Variants in ZNF723 observed in about 807,000 individuals in gnomAD.
The protein encoded by ZNF723 is zinc finger protein 723, also known as zinc finger protein 723, pseudogene.
Under a neutral mutation model 9.4 loss-of-function variants are expected in ZNF723, and 5 were observed. The observed-to-expected ratio is 0.53, with a 90% confidence interval of 0.28 to 1.12. ZNF723 has a LOEUF of 1.12. ZNF723 is among the 50% of genes most tolerant of loss of function. The pLI is 0.10. For missense variants in ZNF723, 450 were observed against 501.5 expected, an observed-to-expected ratio of 0.90 and a Z score of 0.98; for synonymous variants, 158 against 168.8, an observed-to-expected ratio of 0.94 and a Z score of 0.49.
intron 1 of ZNF723, among the ~76,000 whole-genome samples, chr19:22,844,391 C>A (rs1053984996): frequency 1.1e-4 from 16 of 152,094 alleles, no homozygotes; most frequent in Non-Finnish European, 1.8e-4. Context: ...CTTTAAAAAA[C>A]CAAGAACAGA....
chr19:22,820,831 C>A, the ZNF723 span, among the ~76,000 whole-genome samples: 1 of 152,146 alleles, frequency 6.6e-6, no homozygotes, highest in Non-Finnish European at 1.5e-5. Context: ...ATGAACAGAG[C>A]CCACTTTTGA....
the ZNF723 span, among the ~76,000 whole-genome samples, chr19:22,820,051 C>T: frequency 1.3e-5 from 2 of 152,172 alleles, no homozygotes; most frequent in African/African-American, 4.8e-5. Context: ...TATCACTGGA[C>T]CAAGCACCCA....
At chr19:22,851,118 CTA>C (rs1433553256) in intron 3 of ZNF723, among the ~76,000 whole-genome samples, 1 of 152,022 alleles carries the variant, frequency 6.6e-6, no homozygotes, top group Admixed American at 6.6e-5. Context: ...TAATAGAATT[CTA>C]TATGTGTCTC....
At chr19:22,857,064 A>G (rs1437614804) in intron 3 of ZNF723, 54 bp from the exon 4 acceptor site, 1 of 661,522 alleles carries the variant, frequency 1.5e-6, no homozygotes. Flanking sequence ...TTTGTAAAGT[A>G]TATCCATCTG....
chr19:22,827,433 T>TG (rs906055185), upstream of ZNF723, among the ~76,000 whole-genome samples: 2 of 99,370 alleles, frequency 2.0e-5, no homozygotes, highest in African/African-American at 1.1e-4. Context: ...CTATTTTTTT[T>TG]TTTTGTTTTT....
At chr19:22,842,002 TTTGTTGTTG>T (rs59309724) in intron 1 of ZNF723, among the ~76,000 whole-genome samples, 2 of 151,818 alleles carry the variant, frequency 1.3e-5, no homozygotes, top group African/African-American at 2.4e-5. Context: ...TGAACTATGT[TTTGTTGTTG>T]TTGTTGTTGT....
chr19:22,848,317 C>G lies in ZNF723; in HGVS notation c.60C>G (p.Phe20Leu). ...AATTTTCTCTGGAGGAGTGGCAATTCCTGGACACTGCACAGCAGAATTTAT... is the reference window on the plus strand; with the variant it reads ...AATTTTCTCTGGAGGAGTGGCAATTGCTGGACACTGCACAGCAGAATTTAT... ...AIKFSLEEWQ[F>L]LDTAQQNLYR... Residue 20 changes from phenylalanine (F) to leucine (L), a missense_variant, in exon 2 of 4, where the codon TTC becomes TTG. By Grantham distance (22) the Phe-to-Leu change is conservative (BLOSUM62 0). Transcript: ENST00000600766. 1.4e-6 allele frequency: 2 copies of G among 1,405,298 alleles called. No individual in the cohort carries two copies. The highest frequency in any genetic ancestry group is 2.0e-6 in the Non-Finnish European group (2 of 1,006,136). The allele number at this position is 1,405,298 out of a possible 1,614,324, so 87.1% of individuals were successfully genotyped here.
the ZNF723 span, among the ~76,000 whole-genome samples, chr19:22,825,137 G>A: frequency 2.6e-5 from 4 of 152,118 alleles, no homozygotes; most frequent in African/African-American, 4.8e-5. Flanking sequence ...ACACTAAGAG[G>A]CAATCGAAAG....
chr19:22,845,251 A>G (rs1387186127), intron 1 of ZNF723, among the ~76,000 whole-genome samples: 1 of 152,208 alleles, frequency 6.6e-6, no homozygotes, highest in Non-Finnish European at 1.5e-5. Flanking sequence ...AAGTGGTTAT[A>G]AACCCAGGGT....
In ZNF723 at chr19:22,858,046, T is replaced by C; in HGVS notation, c.1155T>C (p.Thr385=). The C allele has an allele frequency of 2.0e-6, 3 of 1,524,468 alleles. No individual in the cohort carries two copies. Among genetic ancestry groups the C allele is most frequent in the Non-Finnish European group, 2.7e-6 (3 of 1,099,732 alleles). 94.4% of individuals were successfully genotyped at this position (1,524,468 alleles called of 1,614,324 possible). A position where few individuals can be genotyped will look rare whatever the true frequency, so the allele number is the denominator to read the frequency against. The change falls in exon 4 of 4, where the codon ACT becomes ACC. Residue 385 remains threonine, a synonymous_variant. Coordinates refer to ENST00000600766, the MANE Select transcript of ZNF723 (RefSeq NM_001349726.2). ...GKAFKVSVHL[T]THKRIHTGEK... is the part of the protein sequence containing the mutation. ...CTTTTAAAGTATCTGTACACCTTAC[T>C]ACACATAAGAGAATTCATACTGGAG... is the stretch of plus-strand genomic sequence containing the variant.
At position 22,857,835 on chromosome 19, in the gene ZNF723, G is replaced by C; in HGVS notation, c.944G>C (p.Cys315Ser). 7.1e-7 allele frequency: 1 copy of C among 1,399,308 alleles called. No homozygotes were observed. Among genetic ancestry groups the C allele is most frequent in the East Asian group, 2.3e-5 (1 of 43,806 alleles). The allele number at this position is 1,399,308 out of a possible 1,614,324, so 86.7% of individuals were successfully genotyped here. ...CATACTGGAGAGAAACCCTACAAAT[G>C]TGAAGAATGTGGCAAAGCCTTTAAC... is the stretch of plus-strand genomic sequence containing the variant. ...RIHTGEKPYK[C>S]EECGKAFNQP... is the part of the protein sequence containing the mutation. The change falls in exon 4 of 4, where the codon TGT becomes TCT. Residue 315 changes from cysteine to serine, a missense_variant. Around this residue, in one of 5 missense-constraint regions of ZNF723, gnomAD observed 237 missense variants for 332.2 expected, o/e 0.71. Coordinates refer to ENST00000600766, the MANE Select transcript of ZNF723 (RefSeq NM_001349726.2).
chr19:22,851,351 T>C (rs1967392016), intron 3 of ZNF723, among the ~76,000 whole-genome samples: 1 of 152,028 alleles, frequency 6.6e-6, no homozygotes, highest in Non-Finnish European at 1.5e-5. Context: ...TTTCTATTTT[T>C]AGTAGAGACG....
chr19:22,848,277 C>A lies in ZNF723; in HGVS notation c.20C>A (p.Thr7Lys). ...TTTTTTCAGGGACCATTGACATTCACAGATGTGGCAATAAAATTTTCTCTG... is the reference window on the plus strand; with the variant it reads ...TTTTTTCAGGGACCATTGACATTCAAAGATGTGGCAATAAAATTTTCTCTG... MGPLTF[T>K]DVAIKFSLEE... Residue 7 changes from threonine (T) to lysine (K), a missense_variant, in exon 2 of 4, where the codon ACA becomes AAA. Physicochemically the swap from Thr to Lys is moderately conservative, Grantham distance 78. Transcript: ENST00000600766. 1 of 1,173,622 alleles carries A rather than the reference C, an allele frequency of 8.5e-7. No individual in the cohort carries two copies. Among genetic ancestry groups the A allele is most frequent in the Non-Finnish European group, 1.2e-6 (1 of 800,978 alleles). The allele number at this position is 1,173,622 out of a possible 1,614,324, so 72.7% of individuals were successfully genotyped here. A position where few individuals can be genotyped will look rare whatever the true frequency, so the allele number is the denominator to read the frequency against.
At chr19:22,813,035 A>G in the ZNF723 span, among the ~76,000 whole-genome samples, 1 of 152,020 alleles carries the variant, frequency 6.6e-6, no homozygotes, top group Non-Finnish European at 1.5e-5. Flanking sequence ...GTACGGTGTC[A>G]TGATCTTGGC....
At chr19:22,837,017 G>A (rs1406743462) in intron 1 of ZNF723, among the ~76,000 whole-genome samples, 2 of 152,086 alleles carry the variant, frequency 1.3e-5, no homozygotes, top group Non-Finnish European at 2.9e-5. Context: ...GATGGGGATG[G>A]CACGATTACT....
upstream of ZNF723, among the ~76,000 whole-genome samples, chr19:22,831,475 T>C (rs1366928979): frequency 6.6e-6 from 1 of 151,668 alleles, no homozygotes; most frequent in Non-Finnish European, 1.5e-5. Context: ...GACAATCACT[T>C]GAGACTGGGA....
upstream of ZNF723, among the ~76,000 whole-genome samples, chr19:22,830,418 T>C (rs1486362973): frequency 6.6e-6 from 1 of 152,152 alleles, no homozygotes; most frequent in Non-Finnish European, 1.5e-5. Flanking sequence ...TTCTTTCAAC[T>C]CAGCCTCCCA....
At chr19:22,851,360 C>T (rs1038341231) in intron 3 of ZNF723, among the ~76,000 whole-genome samples, 3 of 151,862 alleles carry the variant, frequency 2.0e-5, no homozygotes, top group Non-Finnish European at 4.4e-5. Context: ...TTAGTAGAGA[C>T]GGGGTTTCAG....
At chr19:22,817,254 G>C in the ZNF723 span, among the ~76,000 whole-genome samples, 2 of 152,070 alleles carry the variant, frequency 1.3e-5, no homozygotes, top group Admixed American at 1.3e-4. Flanking sequence ...AATATCACTG[G>C]ACCCGGCACC....
Sources: gnomAD v4.1 joint callset for allele counts (sites outside exome capture counted in the v4.1 genomes callset) on GRCh38, gnomAD v4.1.1 for gene constraint, gnomAD v4.1.1 regional missense constraint, MANE v1.5 for transcripts, NCBI Gene and HGNC (gene_info 2026-07-23, HGNC 2026-07-21) for gene names.